SLC11A1: variants seen among roughly 807,000 people sequenced by gnomAD.
The protein encoded by SLC11A1 is natural resistance-associated macrophage protein 1.
SLC11A1 carries 59 observed loss-of-function variants against 63.2 expected under a neutral mutation model. The observed-to-expected ratio is 0.93, with a 90% CI of 0.76 to 1.16. The LOEUF (loss-of-function observed/expected upper bound fraction) is 1.16. Among genes scored for constraint, SLC11A1 ranks in the 50% most tolerant of loss-of-function variants. The pLI, the probability that SLC11A1 is intolerant of heterozygous loss-of-function variation, is 0.00. For missense variants in SLC11A1, 688 were observed against 730.7 expected (o/e 0.94, Z 0.67); for synonymous variants, 305 against 307.8 (o/e 0.99, Z 0.09).
rs773627219 is a variant in SLC11A1, at chr2:218,392,968, A to AC, written c.1165-8dup. The AC allele has an allele frequency of 8.2e-6, 13 of 1,578,892 alleles. No individual in the cohort carries two copies. The East Asian group carries it at 3.1e-4, about 38-fold the overall frequency. Reference sequence around the variant, plus strand: ...CTGTCTACTCCTCACCAAGGAGTTCACCCCCACCCCAGGGCTTCCTGAGGC... The same window carrying AC: ...CTGTCTACTCCTCACCAAGGAGTTCACCCCCCACCCCAGGGCTTCCTGAGGC... On this transcript the variant is annotated splice_polypyrimidine_tract_variant and intron_variant, in intron 11 of 14. Transcript: ENST00000233202.
chr2:218,395,047 G>A lies in SLC11A1; in HGVS notation c.*12G>A, dbSNP rs1217606568. On this transcript the variant is annotated 3_prime_UTR_variant, in exon 15 of 15. Transcript: ENST00000233202. ...AGACCTCTGGCTAGGCCCACACCAG[G>A]GCCTGGCTGGGAGTGGCATGTATGA... The A allele has an allele frequency of 1.9e-6, 3 of 1,572,262 alleles. No homozygotes were observed. Among genetic ancestry groups the A allele is most frequent in the Non-Finnish European group, 1.7e-6 (2 of 1,154,840 alleles).
Position 218,395,078 on chromosome 2 carries a change from C to T in SLC11A1, c.*43C>T, listed in dbSNP as rs1249758894. Reference sequence around the variant, plus strand: ...GCTGGGAGTGGCATGTATGACGTGACTGGCCTGCTGGATGTGGAGGGGGCG... The same window carrying T: ...GCTGGGAGTGGCATGTATGACGTGATTGGCCTGCTGGATGTGGAGGGGGCG... On this transcript the variant is annotated 3_prime_UTR_variant, in exon 15 of 15. Coordinates refer to ENST00000233202, the MANE Select transcript of SLC11A1 (RefSeq NM_000578.4). The T allele has an allele frequency of 2.1e-6, 3 of 1,445,260 alleles. No homozygotes were observed. In the Admixed American group the frequency reaches 5.8e-5, roughly 28 times the overall value. 89.5% of individuals were successfully genotyped at this position (1,445,260 alleles called of 1,614,324 possible).
chr2:218,384,857 G>C lies in SLC11A1; in HGVS notation c.274-290G>C, dbSNP rs1202435469. ...CCGCCTCGGCCTCCCAAAGTGCTGGGATAACAGGTGTGAGCCACCTTGCCT... is the reference window on the plus strand; with the variant it reads ...CCGCCTCGGCCTCCCAAAGTGCTGGCATAACAGGTGTGAGCCACCTTGCCT... On this transcript the variant is annotated intron_variant, in intron 3 of 14. Transcript: ENST00000233202. The surrounding 1 kb of genome is among the most constrained non-coding windows in gnomAD (Gnocchi z 4.0). 6 of 357,740 alleles carry C rather than the reference G, an allele frequency of 1.7e-5. No individual in the cohort carries two copies. The highest frequency in any genetic ancestry group is 4.3e-5 in the African/African-American group (2 of 46,856). The allele number at this position is 357,740 out of a possible 1,614,324, so 22.2% of individuals were successfully genotyped here.
rs1696171010 is a variant in SLC11A1, at chr2:218,387,554, C to T, written c.572-11C>T. 6.2e-7 allele frequency: 1 copy of T among 1,613,756 alleles called. No homozygotes were observed. Among genetic ancestry groups the T allele is most frequent in the African/African-American group, 1.3e-5 (1 of 74,902 alleles). On this transcript the variant is annotated splice_polypyrimidine_tract_variant and intron_variant, in intron 6 of 14. Transcript: ENST00000233202. Reference sequence around the variant, plus strand: ...CGTTGGTTTGTTTAGTTTGTTTGTTCTGCTCCGTAGGGCTGCGGAAGCTGG... The same window carrying T: ...CGTTGGTTTGTTTAGTTTGTTTGTTTTGCTCCGTAGGGCTGCGGAAGCTGG...
chr2:218,383,869 G>C (rs1349501693), intron 2 of SLC11A1: 3 of 160,894 alleles, frequency 1.9e-5, no homozygotes, highest in African/African-American at 7.2e-5. Context: ...CAGAGAGGAG[G>C]CCCCGTGGTC....
chr2:218,386,665 G>A lies in SLC11A1; in HGVS notation c.424G>A (p.Glu142Lys), dbSNP rs530669474. The A allele has an allele frequency of 1.3e-5, 21 of 1,613,792 alleles. No homozygotes were observed. Among genetic ancestry groups the A allele is most frequent in the Non-Finnish European group, 1.6e-5 (19 of 1,179,960 alleles). Reference protein sequence around the residue: ...VPRTVLWLTIELAIVGSDMQE... With the variant: ...VPRTVLWLTIKLAIVGSDMQE... The stretch of plus-strand genomic sequence containing the variant: ...CCGCACCGTCCTCTGGCTGACCATC[G>A]AGCTAGCCATTGTGGGCTCCGACAT... The change falls in exon 5 of 15, where the codon GAG (glutamate) becomes AAG (lysine). Residue 142 changes from glutamate (E) to lysine (K), a missense_variant. Transcript: ENST00000233202.
intron 8 of SLC11A1, among the ~76,000 whole-genome samples, chr2:218,389,245 G>A (rs1280320999): frequency 6.6e-6 from 1 of 152,032 alleles, no homozygotes; most frequent in Non-Finnish European, 1.5e-5. Context: ...CAAGTGCAAA[G>A]GCCACTGGCA....
Position 218,396,856 on chromosome 2 carries a change from G to A in SLC11A1, c.*1821G>A, listed in dbSNP as rs909634963. 4 of 152,558 alleles carry A rather than the reference G, an allele frequency of 2.6e-5. No homozygotes were observed. Among genetic ancestry groups the A allele is most frequent in the South Asian group, 4.1e-4 (2 of 4,844 alleles). The allele number at this position is 152,558 out of a possible 1,614,324, so 9.5% of individuals were successfully genotyped here. On this transcript the variant is annotated 3_prime_UTR_variant, in exon 15 of 15. Transcript: ENST00000233202. ...GGCTCTGTGTTACAAGTTGGGGAGGGCGGCAAAGTCCCGAATTAAAGATGT... is the reference window on the plus strand; with the variant it reads ...GGCTCTGTGTTACAAGTTGGGGAGGACGGCAAAGTCCCGAATTAAAGATGT...
In SLC11A1 at chr2:218,385,174, G is replaced by T; in HGVS notation, c.301G>T (p.Val101Leu). ...TCTCTGGGTGCTGCTCTGGGCCACC[G>T]TGTTGGGCTTGCTCTGCCAGCGACT... is the stretch of plus-strand genomic sequence containing the variant. ...KLLWVLLWAT[V>L]LGLLCQRLAA... The change falls in exon 4 of 15, where the codon GTG (valine) becomes TTG (leucine). Residue 101 changes from valine (V) to leucine (L), a missense_variant. Transcript: ENST00000233202. 6.2e-7 allele frequency: 1 copy of T among 1,613,954 alleles called. No individual in the cohort carries two copies. The highest frequency in any genetic ancestry group is 8.5e-7 in the Non-Finnish European group (1 of 1,179,888).
intron 7 of SLC11A1, 54 bp from the exon 8 acceptor site, chr2:218,387,746 C>A (rs1696184101): frequency 3.1e-6 from 5 of 1,611,780 alleles, no homozygotes; most frequent in Non-Finnish European, 4.2e-6. Context: ...GAAATGGTGA[C>A]CGCGGCGTGG....
At chr2:218,388,086 C>A in intron 8 of SLC11A1, 131 bp downstream of exon 8, 1 of 1,169,408 alleles carries the variant, frequency 8.6e-7, no homozygotes, top group Non-Finnish European at 1.2e-6. Flanking sequence ...AATTGAGGGA[C>A]AGGCGGGGCG....
chr2:218,393,235 G>A (rs1385965579), intron 12 of SLC11A1, 105 bp downstream of exon 12: 1 of 1,196,252 alleles, frequency 8.4e-7, no homozygotes, highest in African/African-American at 1.6e-5. Context: ...CCTGTCCCAG[G>A]CACATCTTGC....
chr2:218,388,712 G>A (rs1299697727), intron 8 of SLC11A1, among the ~76,000 whole-genome samples: 1 of 152,156 alleles, frequency 6.6e-6, no homozygotes, highest in African/African-American at 2.4e-5. Flanking sequence ...TGAGGCAGGA[G>A]AATCGCTTGA....
At chr2:218,389,776 T>C in intron 8 of SLC11A1, 94 bp from the exon 9 acceptor site, 1 of 1,356,100 alleles carries the variant, frequency 7.4e-7, no homozygotes, top group South Asian at 1.4e-5. Flanking sequence ...AAGAAGGTAC[T>C]GGGCTTTGGG....
chr2:218,387,464 G>A, intron 6 of SLC11A1, 101 bp from the exon 7 acceptor site: 1 of 1,201,370 alleles, frequency 8.3e-7, no homozygotes, highest in Non-Finnish European at 1.2e-6. Context: ...TTAAGCACTT[G>A]GCACTGTGCC....
At chr2:218,383,228 G>C (rs1211605340) in intron 2 of SLC11A1, 126 bp downstream of exon 2, 3 of 1,044,756 alleles carry the variant, frequency 2.9e-6, no homozygotes, top group Non-Finnish European at 4.1e-6. Context: ...GAGCAGCAGT[G>C]GTGGACAGTG....
Position 218,385,535 on chromosome 2 carries a change from C to T in SLC11A1, c.393+269C>T, listed in dbSNP as rs572821685. The T allele has an allele frequency of 6.6e-4, 321 of 486,578 alleles. 2 individuals carry two copies. The highest frequency in any genetic ancestry group is 5.5e-3 in the African/African-American group (280 of 51,146). 30.1% of individuals were successfully genotyped at this position (486,578 alleles called of 1,614,324 possible). A position where few individuals can be genotyped will look rare whatever the true frequency, so the allele number is the denominator to read the frequency against. ...CCTCTCAAGTAGCTGGGATTACAGG[C>T]GCCCACCACCATCATCGGCTAATTT... On this transcript the variant is annotated intron_variant, in intron 4 of 14. Coordinates refer to ENST00000233202, the MANE Select transcript of SLC11A1 (RefSeq NM_000578.4).
intron 2 of SLC11A1, chr2:218,383,340 T>C (rs1695906099): frequency 1.9e-6 from 1 of 524,218 alleles, no homozygotes. Context: ...TCAGCTTTCC[T>C]ATGAAGGAAA....
chr2:218,392,891 G>T, intron 11 of SLC11A1, 90 bp from the exon 12 acceptor site: 6 of 1,063,122 alleles, frequency 5.6e-6, no homozygotes, highest in Non-Finnish European at 8.0e-6. Context: ...ATGCCCCCAG[G>T]GATAAATCGG....
Sources: allele counts gnomAD v4.1 joint callset (sites outside exome capture counted in the v4.1 genomes callset), GRCh38; gene constraint gnomAD v4.1.1; non-coding constraint Gnocchi (gnomAD v3.1); transcripts MANE v1.5; gene names NCBI Gene and HGNC (gene_info 2026-07-23, HGNC 2026-07-21).